Variants in PLCE1 observed in about 807,000 individuals in gnomAD.
PLCE1 encodes the protein 1-phosphatidylinositol 4,5-bisphosphate phosphodiesterase epsilon-1.
PLCE1 carries 119 observed loss-of-function variants against 242.8 expected under a neutral mutation model. That is an observed-to-expected ratio of 0.49 (90% CI 0.42 to 0.57). PLCE1 has a LOEUF of 0.57. Ranked by LOEUF, PLCE1 falls within the 20% of genes least tolerant of loss-of-function variation. PLCE1 has a pLI of 0.00. For missense variants in PLCE1, 2,441 were observed against 2,788.8 expected (o/e 0.88, Z 2.81); for synonymous variants, 945 against 1,017.4 (o/e 0.93, Z 1.35).
At chr10:94,064,415 C>T (rs1001494342) in intron 2 of PLCE1, among the ~76,000 whole-genome samples, 2 of 152,046 alleles carry the variant, frequency 1.3e-5, no homozygotes, top group Non-Finnish European at 2.9e-5. Context: ...TAGTGGTGCA[C>T]ACTGTAGTCC....
At chr10:94,094,308 A>T (rs991885111) in intron 2 of PLCE1, among the ~76,000 whole-genome samples, 2 of 135,124 alleles carry the variant, frequency 1.5e-5, no homozygotes, top group Non-Finnish European at 3.0e-5. Flanking sequence ...TGAACAAGAC[A>T]GCCACCGTGT....
At chr10:94,003,547 T>A (rs2060973211) in intron 1 of PLCE1, among the ~76,000 whole-genome samples, 1 of 152,136 alleles carries the variant, frequency 6.6e-6, no homozygotes. Flanking sequence ...GATTTTACTT[T>A]GAACTTAAAA....
chr10:94,154,952 G>T (rs190625248), intron 3 of PLCE1, among the ~76,000 whole-genome samples: 1 of 76,566 alleles, frequency 1.3e-5, no homozygotes, highest in Non-Finnish European at 3.8e-5. Flanking sequence ...CACTAGGATA[G>T]ATAATTGGGG....
intron 4 of PLCE1, among the ~76,000 whole-genome samples, chr10:94,192,595 G>A (rs770468088): frequency 1.3e-5 from 2 of 152,160 alleles, no homozygotes; most frequent in African/African-American, 4.8e-5. Context: ...TGGGCACCTA[G>A]CTTGATTCCA....
At chr10:94,088,077 T>C (rs1203321155) in intron 2 of PLCE1, 1 of 152,184 alleles carries the variant, frequency 6.6e-6, no homozygotes, top group Admixed American at 6.5e-5. Flanking sequence ...GCATAAGCAA[T>C]ACAAACTGGT....
chr10:94,141,924 C>T (rs1400617046), intron 3 of PLCE1, among the ~76,000 whole-genome samples: 5 of 152,122 alleles, frequency 3.3e-5, no homozygotes, highest in African/African-American at 1.2e-4. Context: ...TTATTTGAAA[C>T]ACTGCATCCA....
intron 4 of PLCE1, among the ~76,000 whole-genome samples, chr10:94,212,999 AGCTTGGAAGTGCT>A (rs2049393685): frequency 6.6e-6 from 1 of 152,248 alleles, no homozygotes; most frequent in Admixed American, 6.5e-5. Flanking sequence ...TACTAAGTGC[AGCTTGGAAGTGCT>A]GCAGCCAGGC....
At chr10:94,012,110 C>T (rs557622199) in intron 1 of PLCE1, among the ~76,000 whole-genome samples, 215 of 152,258 alleles carry the variant, frequency 1.4e-3, no homozygotes, top group Non-Finnish European at 1.0e-3. Flanking sequence ...CTGCCTGGTG[C>T]ACAACTTCCC....
At chr10:94,196,395 C>A (rs553568553) in intron 4 of PLCE1, among the ~76,000 whole-genome samples, 1 of 152,142 alleles carries the variant, frequency 6.6e-6, no homozygotes, top group Non-Finnish European at 1.5e-5. Flanking sequence ...GGTAGTGCCC[C>A]CAGAGAAGAA....
intron 2 of PLCE1, among the ~76,000 whole-genome samples, chr10:94,041,954 C>T (rs527319105): frequency 4.0e-5 from 6 of 151,488 alleles, no homozygotes; most frequent in Non-Finnish European, 5.9e-5. Flanking sequence ...ACTTTAGGGC[C>T]GAGAATTTTA....
intron 2 of PLCE1, among the ~76,000 whole-genome samples, chr10:94,079,449 T>C (rs1309772290): frequency 6.6e-6 from 1 of 151,742 alleles, no homozygotes; most frequent in Non-Finnish European, 1.5e-5. Context: ...GGGCCTGTCG[T>C]GGGGTGGGGA....
intron 3 of PLCE1, among the ~76,000 whole-genome samples, chr10:94,152,219 A>G (rs1564736119): frequency 6.6e-6 from 1 of 152,242 alleles, no homozygotes; most frequent in East Asian, 1.9e-4. Context: ...CTTTGTCAAT[A>G]AAGATTTTCT....
intron 1 of PLCE1, among the ~76,000 whole-genome samples, chr10:94,021,205 G>T (rs915190520): frequency 2.7e-5 from 4 of 148,060 alleles, no homozygotes; most frequent in Admixed American, 2.7e-4. Flanking sequence ...CTCCCGGTCT[G>T]TGTCTTACCT....
intron 4 of PLCE1, among the ~76,000 whole-genome samples, chr10:94,178,759 T>A (rs1014007033): frequency 6.6e-6 from 1 of 152,212 alleles, no homozygotes; most frequent in African/African-American, 2.4e-5. Flanking sequence ...GGAAAGACCA[T>A]TTCAGCACAG....
chr10:94,044,160 T>G (rs2061832502), intron 2 of PLCE1, among the ~76,000 whole-genome samples: 1 of 152,240 alleles, frequency 6.6e-6, no homozygotes, highest in South Asian at 2.1e-4. Context: ...TTTATTTTTC[T>G]GTATTTTTGC....
At chr10:94,309,302 T>C (rs930882954) in intron 27 of PLCE1, among the ~76,000 whole-genome samples, 10 of 151,612 alleles carry the variant, frequency 6.6e-5, no homozygotes, top group Non-Finnish European at 1.2e-4. Context: ...GAAAGTGCCA[T>C]AGTTGCAGAA....
intron 23 of PLCE1, among the ~76,000 whole-genome samples, chr10:94,294,465 T>C (rs1346580142): frequency 1.3e-5 from 2 of 152,190 alleles, no homozygotes; most frequent in Non-Finnish European, 2.9e-5. Context: ...CCAAATGGGA[T>C]ACAGGCATAC....
chr10:94,109,921 T>C (rs560624052), intron 2 of PLCE1, among the ~76,000 whole-genome samples: 7 of 151,866 alleles, frequency 4.6e-5, no homozygotes, highest in Non-Finnish European at 8.8e-5. Flanking sequence ...AGATTTGTTG[T>C]ATGTTTTTAG....
intron 30 of PLCE1, 64 bp downstream of exon 30, chr10:94,322,123 T>G: frequency 1.4e-6 from 2 of 1,423,226 alleles, no homozygotes; most frequent in Non-Finnish European, 2.0e-6. Flanking sequence ...AACAAATGTC[T>G]GTGCACTGAT....
Sources: allele counts gnomAD v4.1 joint callset (sites outside exome capture counted in the v4.1 genomes callset), GRCh38; gene constraint gnomAD v4.1.1; transcripts MANE v1.5; gene names NCBI Gene and HGNC (gene_info 2026-07-23, HGNC 2026-07-21).